The following ETV6 variants were observed in gnomAD, a reference collection of about 807,000 sequenced individuals.
The protein encoded by ETV6 is transcription factor ETV6.
Under a neutral mutation model 51.1 loss-of-function variants are expected in ETV6, and 16 were observed. The observed-to-expected ratio is 0.31, with a 90% CI of 0.21 to 0.48. The LOEUF (loss-of-function observed/expected upper bound fraction) is 0.48. Ranked by LOEUF, ETV6 falls within the 20% of genes least tolerant of loss-of-function variation. The pLI is 0.99. For synonymous variants in ETV6, 240 were observed against 224.1 expected, an observed-to-expected ratio of 1.07 and a Z score of -0.64; for missense variants, 458 against 594.8, an observed-to-expected ratio of 0.77 and a Z score of 2.39.
chr12:11,864,579 G>C (rs2136525462), intron 4 of ETV6, among the ~76,000 whole-genome samples: 1 of 152,224 alleles, frequency 6.6e-6, no homozygotes, highest in South Asian at 2.1e-4. Flanking sequence ...ACATTTCTAT[G>C]GGCAGCAGAA....
At chr12:11,853,675 C>A (rs1041611032) in intron 4 of ETV6, 114 bp downstream of exon 4, 1 of 1,229,052 alleles carries the variant, frequency 8.1e-7, no homozygotes, top group Non-Finnish European at 1.1e-6. Flanking sequence ...ATTCAGTAGA[C>A]AATTATTGAG....
Position 11,839,279 on chromosome 12 carries a change from C to T in ETV6, c.303C>T (p.Asp101=). ...GKALLLLTKE[D]FRYRSPHSGD... is the part of the protein sequence containing the mutation. Reference sequence around the variant, plus strand: ...CTCTCCTGCTGCTGACCAAAGAGGACTTTCGCTATCGATCTCCTCATTCAG... The same window carrying T: ...CTCTCCTGCTGCTGACCAAAGAGGATTTTCGCTATCGATCTCCTCATTCAG... Residue 101 remains aspartate, a synonymous_variant, in exon 3 of 8, where the codon GAC becomes GAT. Coordinates refer to ENST00000396373, the MANE Select transcript of ETV6 (RefSeq NM_001987.5). 1 of 1,613,978 alleles carries T rather than the reference C, an allele frequency of 6.2e-7. No homozygotes were observed. Among genetic ancestry groups the T allele is most frequent in the South Asian group, 1.1e-5 (1 of 91,040 alleles).
chr12:11,767,937 G>A (rs540668879), intron 2 of ETV6, among the ~76,000 whole-genome samples: 33 of 152,256 alleles, frequency 2.2e-4, no homozygotes, highest in African/African-American at 7.5e-4. Context: ...CTAGGATCAT[G>A]GGTTGAACGT....
chr12:11,886,127 G>A (rs751339310), intron 7 of ETV6, 101 bp downstream of exon 7: 39 of 809,102 alleles, frequency 4.8e-5, no homozygotes, highest in Non-Finnish European at 7.6e-5. Flanking sequence ...CCTGCCTATC[G>A]GATACCCAAA....
intron 1 of ETV6, among the ~76,000 whole-genome samples, chr12:11,682,164 C>T (rs937922623): frequency 1.3e-5 from 2 of 152,214 alleles, no homozygotes; most frequent in Non-Finnish European, 2.9e-5. Context: ...AATGGTTGAA[C>T]TAATTTACAC....
rs189257561 is a variant in ETV6, at chr12:11,690,780, G to A, written c.33+40620G>A. 6.5e-3 allele frequency among the ~76,000 whole-genome samples: 980 copies of A among 151,798 alleles called. 8 individuals carry two copies. Among genetic ancestry groups the A allele is most frequent in the African/African-American group, 0.022 (929 of 41,418 alleles). ...CGGGCGCCGGTAGTCCCAGCTACTC[G>A]GGAGGCTGAGCCAGGAGAATCGCTT... On this transcript the variant is annotated intron_variant, in intron 1 of 7. Transcript: ENST00000396373.
At chr12:11,783,294 C>G (rs1299461503) in intron 2 of ETV6, among the ~76,000 whole-genome samples, 1 of 152,044 alleles carries the variant, frequency 6.6e-6, no homozygotes, top group Non-Finnish European at 1.5e-5. Context: ...AAGAATGATC[C>G]TGCCCAATCA....
At chr12:11,790,976 C>T (rs1053963193) in intron 2 of ETV6, among the ~76,000 whole-genome samples, 6 of 152,194 alleles carry the variant, frequency 3.9e-5, no homozygotes, top group Admixed American at 6.5e-5. Context: ...CCATTGCGCC[C>T]GGCCAGAGCT....
Position 11,894,318 on chromosome 12 carries a change from C to CA in ETV6, c.*3272_*3273insA, listed in dbSNP as rs1350397962. On this transcript the variant is annotated 3_prime_UTR_variant, in exon 8 of 8. Transcript: ENST00000396373. ...GCATTCTCACTTGGGTCTTGAAGTT[C>CA]TCATTCCTACATCTCAAGCTAGCCA... The CA allele has an allele frequency of 1.3e-4, 31 of 232,932 alleles. No individual in the cohort carries two copies. The highest frequency in any genetic ancestry group is 5.6e-5 in the Admixed American group (1 of 17,772). The allele number at this position is 232,932 out of a possible 1,614,324, so 14.4% of individuals were successfully genotyped here.
rs11054417 is a variant in ETV6 at position 11,689,468 on chromosome 12, A to G, written c.33+39308A>G. On this transcript the variant is annotated intron_variant, in intron 1 of 7. Coordinates refer to ENST00000396373, the MANE Select transcript of ETV6 (RefSeq NM_001987.5). ...ATTTTATTTCATTTCATTTTAAACCATGGCTAACTCTTCTCCAGTCTTCTC... is the reference window on the plus strand; with the variant it reads ...ATTTTATTTCATTTCATTTTAAACCGTGGCTAACTCTTCTCCAGTCTTCTC... 2.2e-4 allele frequency among the ~76,000 whole-genome samples: 33 copies of G among 152,192 alleles called. No homozygotes were observed. The East Asian group carries it at 5.8e-3, about 27-fold the overall frequency.
At chr12:11,659,290 T>C (rs1005751312) in intron 1 of ETV6, among the ~76,000 whole-genome samples, 3 of 152,236 alleles carry the variant, frequency 2.0e-5, no homozygotes, top group Non-Finnish European at 4.4e-5. Context: ...AGTCATTCTT[T>C]GTATGTACAT....
chr12:11,895,062 A>C lies in ETV6; in HGVS notation c.*4016A>C, dbSNP rs997860544. The C allele has an allele frequency of 2.0e-4, 46 of 233,070 alleles. No individual in the cohort carries two copies. In the Admixed American group the frequency reaches 2.6e-3, roughly 13 times the overall value. 14.4% of individuals were successfully genotyped at this position (233,070 alleles called of 1,614,324 possible). ...AAAACCCACAGAAGACTAACCTGAT[A>C]CTCTTTTGACCCAACTGCATCAACA... On this transcript the variant is annotated 3_prime_UTR_variant, in exon 8 of 8. Transcript: ENST00000396373.
chr12:11,719,684 A>G (rs1865345234), intron 1 of ETV6, among the ~76,000 whole-genome samples: 1 of 152,254 alleles, frequency 6.6e-6, no homozygotes, highest in Admixed American at 6.5e-5. Flanking sequence ...GTGCTAGGGC[A>G]GAGTCAGGCT....
intron 1 of ETV6, among the ~76,000 whole-genome samples, chr12:11,679,821 A>G (rs1470150219): frequency 6.6e-6 from 1 of 152,204 alleles, no homozygotes; most frequent in South Asian, 2.1e-4. Flanking sequence ...TGAGCCATCT[A>G]GGAGAGTTAC....
chr12:11,658,477 C>T (rs1029693604), intron 1 of ETV6, among the ~76,000 whole-genome samples: 7 of 152,218 alleles, frequency 4.6e-5, no homozygotes, highest in Non-Finnish European at 8.8e-5. Flanking sequence ...TCAATTGATC[C>T]TCCTGCCTCG....
intron 2 of ETV6, among the ~76,000 whole-genome samples, chr12:11,761,443 T>TA (rs762013500): frequency 2.6e-5 from 4 of 152,330 alleles, no homozygotes; most frequent in South Asian, 4.1e-4. Context: ...CCTTGTCTAT[T>TA]ATTTTCCATC....
chr12:11,712,792 A>G (rs1372775062), intron 1 of ETV6, among the ~76,000 whole-genome samples: 1 of 152,280 alleles, frequency 6.6e-6, no homozygotes, highest in Admixed American at 6.5e-5. Context: ...TGTTCAGGCA[A>G]ATATCGGTGC....
Position 11,894,585 on chromosome 12 carries a change from CT to C in ETV6, c.*3540del, listed in dbSNP as rs1433724077. 4.3e-6 allele frequency: 1 copy of C among 233,164 alleles called. No individual in the cohort carries two copies. The highest frequency in any genetic ancestry group is 6.0e-5 in the East Asian group (1 of 16,602). The allele number at this position is 233,164 out of a possible 1,614,324, so 14.4% of individuals were successfully genotyped here. Reference sequence around the variant, plus strand: ...CCCTCTGATCCAATGTCTTTTGATACTGATCTCTTGTCCAAATGAGAATGTC... The same window carrying C: ...CCCTCTGATCCAATGTCTTTTGATACGATCTCTTGTCCAAATGAGAATGTC... On this transcript the variant is annotated 3_prime_UTR_variant, in exon 8 of 8. Coordinates refer to ENST00000396373, the MANE Select transcript of ETV6 (RefSeq NM_001987.5).
chr12:11,786,629 C>T (rs1945490571), intron 2 of ETV6, among the ~76,000 whole-genome samples: 1 of 152,092 alleles, frequency 6.6e-6, no homozygotes. Flanking sequence ...GTAGTTCTAC[C>T]CCAAAACAGA....
Sources: allele counts gnomAD v4.1 joint callset (sites outside exome capture counted in the v4.1 genomes callset), GRCh38; gene constraint gnomAD v4.1.1; transcripts MANE v1.5; gene names NCBI Gene and HGNC (gene_info 2026-07-23, HGNC 2026-07-21).